Variants in ADAMTS20 observed in about 807,000 individuals in gnomAD.
ADAMTS20 encodes ADAM metallopeptidase with thrombospondin type 1 motif 20, also known as A disintegrin and metalloproteinase with thrombospondin motifs 20.
In ADAMTS20, 225 loss-of-function variants were observed where a neutral mutation model predicts 260.1. That is an observed-to-expected ratio of 0.87 (90% CI 0.78 to 0.97). The LOEUF (loss-of-function observed/expected upper bound fraction) is 0.97, where lower values mean the gene tolerates loss of function less well. ADAMTS20 is among the 50% of genes least tolerant of loss of function. The pLI is 0.00. For synonymous variants in ADAMTS20, 802 were observed against 769.5 expected, an observed-to-expected ratio of 1.04 and a Z score of -0.70; for missense variants, 2,400 against 2,337.7, an observed-to-expected ratio of 1.03 and a Z score of -0.55.
chr12:43,550,871 G>C, intron 2 of ADAMTS20, 38 bp downstream of exon 2: 1 of 1,492,636 alleles, frequency 6.7e-7, no homozygotes, highest in Non-Finnish European at 8.9e-7. Flanking sequence ...CCCTTGCCTG[G>C]ATCCCAAGAA....
intron 19 of ADAMTS20, among the ~76,000 whole-genome samples, chr12:43,433,348 C>A (rs1280302801): frequency 6.7e-6 from 1 of 148,158 alleles, no homozygotes; most frequent in Non-Finnish European, 1.5e-5. Flanking sequence ...GCCAAATTAT[C>A]CCAATTGTAG....
chr12:43,465,164 AAAC>A (rs540019701), intron 9 of ADAMTS20, among the ~76,000 whole-genome samples: 3 of 151,996 alleles, frequency 2.0e-5, no homozygotes, highest in Non-Finnish European at 4.4e-5. Context: ...TTCTAGTCCT[AAAC>A]AACAACAACA....
intron 11 of ADAMTS20, among the ~76,000 whole-genome samples, chr12:43,461,445 C>T (rs746059060): frequency 2.6e-5 from 4 of 151,998 alleles, no homozygotes; most frequent in Non-Finnish European, 4.4e-5. Flanking sequence ...CATGTTTATG[C>T]CCTAACTGGA....
In ADAMTS20 at chr12:43,428,752, A is replaced by G; in HGVS notation, c.3537T>C (p.Cys1179=). Residue 1179 remains cysteine (C), a synonymous_variant, in exon 25 of 39, where the codon TGT becomes TGC. Transcript: ENST00000389420. ...GRGTQARYVS[C]RDALDRIADE... is the part of the protein sequence containing the mutation. ...CTGCTATTCTATCAAGAGCATCACG[A>G]CAGCTTACATAGCGGGCTTGAGTAC... 1 of 1,611,326 alleles carries G rather than the reference A, an allele frequency of 6.2e-7. No homozygotes were observed. Among genetic ancestry groups the G allele is most frequent in the Non-Finnish European group, 8.5e-7 (1 of 1,178,156 alleles).
intron 2 of ADAMTS20, among the ~76,000 whole-genome samples, chr12:43,544,224 G>A (rs1434858908): frequency 6.6e-6 from 1 of 152,186 alleles, no homozygotes; most frequent in Admixed American, 6.5e-5. Context: ...GGTATCATCG[G>A]AAGAGATTTA....
chr12:43,356,342 A>G, intron 38 of ADAMTS20, 142 bp downstream of exon 38: 1 of 526,578 alleles, frequency 1.9e-6, no homozygotes, highest in Non-Finnish European at 3.4e-6. Context: ...GTTGTGCTCC[A>G]TTATATGTAA....
chr12:43,419,075 G>T (rs995066375), intron 28 of ADAMTS20, among the ~76,000 whole-genome samples: 3 of 151,904 alleles, frequency 2.0e-5, no homozygotes, highest in African/African-American at 7.2e-5. Flanking sequence ...AAATTAAATG[G>T]TTAGAACAGT....
At chr12:43,419,098 G>T (rs1941183455) in intron 28 of ADAMTS20, among the ~76,000 whole-genome samples, 1 of 152,030 alleles carries the variant, frequency 6.6e-6, no homozygotes, top group African/African-American at 2.4e-5. Flanking sequence ...TGAGAGAAAA[G>T]TTACCATTCA....
At chr12:43,364,102 G>A (rs973973289) in intron 37 of ADAMTS20, among the ~76,000 whole-genome samples, 4 of 152,116 alleles carry the variant, frequency 2.6e-5, no homozygotes, top group Non-Finnish European at 4.4e-5. Context: ...CACTGTGCAT[G>A]CCCAAGACTG....
intron 3 of ADAMTS20, among the ~76,000 whole-genome samples, chr12:43,505,931 A>G (rs1942834410): frequency 1.3e-5 from 2 of 152,238 alleles, no homozygotes; most frequent in African/African-American, 4.8e-5. Flanking sequence ...AACAAAATGT[A>G]GTATACACAT....
At chr12:43,411,398 G>A (rs980167463) in intron 28 of ADAMTS20, among the ~76,000 whole-genome samples, 3 of 151,850 alleles carry the variant, frequency 2.0e-5, no homozygotes, top group African/African-American at 4.8e-5. Flanking sequence ...ACAAAGTTTC[G>A]CTCTTGTTGC....
chr12:43,354,160 A>G lies in ADAMTS20; in HGVS notation c.*49T>C. On this transcript the variant is annotated 3_prime_UTR_variant, in exon 39 of 39. Coordinates refer to ENST00000389420, the MANE Select transcript of ADAMTS20 (RefSeq NM_025003.5). ...AGAAATGAGCACCAGTTATTTGAAT[A>G]TTCCAGAGAATATCCCCTCTTTAGG... 1 of 1,342,300 alleles carries G rather than the reference A, an allele frequency of 7.4e-7. No individual in the cohort carries two copies. The highest frequency in any genetic ancestry group is 2.5e-5 in the East Asian group (1 of 39,230). 83.1% of individuals were successfully genotyped at this position (1,342,300 alleles called of 1,614,324 possible).
chr12:43,358,676 A>G (rs1174833866), intron 37 of ADAMTS20, among the ~76,000 whole-genome samples: 1 of 151,490 alleles, frequency 6.6e-6, no homozygotes, highest in Non-Finnish European at 1.5e-5. Flanking sequence ...GTCTCTACTA[A>G]AAATACAAAA....
chr12:43,439,977 C>G lies in ADAMTS20; in HGVS notation c.2383G>C (p.Val795Leu). 6.3e-7 allele frequency: 1 copy of G among 1,597,124 alleles called. No homozygotes were observed. The stretch of plus-strand genomic sequence containing the variant: ...TTATTTGATCCACTGTATTCAATAA[C>G]AGTTCTTGTTCCTTGCACATTGATT... ...KEINVQGTRT[V>L]IEYSGSNNAV... is the part of the protein sequence containing the mutation. The change falls in exon 17 of 39, where the codon GTT (valine) becomes CTT (leucine). Residue 795 changes from valine to leucine, a missense_variant. By Grantham distance (32) the Val-to-Leu change is conservative. Coordinates refer to ENST00000389420, the MANE Select transcript of ADAMTS20 (RefSeq NM_025003.5).
In ADAMTS20 at chr12:43,376,528, A is replaced by G. The variant is rs144931766; in HGVS notation, c.5121T>C (p.Asn1707=). ...KPGAQKKCYA[N]DCKSFTTCKE... Reference sequence around the variant, plus strand: ...TTTTTGAAGTCTACTACTTACAGTCATTGGCATAACATTTCTTTTGAGCAC... The same window carrying G: ...TTTTTGAAGTCTACTACTTACAGTCGTTGGCATAACATTTCTTTTGAGCAC... The change falls in exon 33 of 39, where the codon AAT becomes AAC. Residue 1707 remains asparagine, a synonymous_variant. Coordinates refer to ENST00000389420, the MANE Select transcript of ADAMTS20 (RefSeq NM_025003.5). 1.0e-4 allele frequency: 165 copies of G among 1,611,548 alleles called. No homozygotes were observed. The highest frequency in any genetic ancestry group is 1.3e-4 in the Non-Finnish European group (150 of 1,179,332).
At chr12:43,398,012 A>G (rs1409400278) in intron 29 of ADAMTS20, among the ~76,000 whole-genome samples, 1 of 152,152 alleles carries the variant, frequency 6.6e-6, no homozygotes, top group African/African-American at 2.4e-5. Context: ...GGGAAACTCC[A>G]TTTCCTTCTA....
At chr12:43,523,044 C>CTA (rs777964212) in intron 3 of ADAMTS20, among the ~76,000 whole-genome samples, 2 of 152,180 alleles carry the variant, frequency 1.3e-5, no homozygotes, top group Admixed American at 6.5e-5. Context: ...TGTGCTAAAT[C>CTA]TGTAGGCCCA....
intron 28 of ADAMTS20, among the ~76,000 whole-genome samples, chr12:43,403,312 A>G (rs1026142129): frequency 2.0e-5 from 3 of 152,108 alleles, no homozygotes; most frequent in African/African-American, 7.2e-5. Context: ...TTAATTCTGG[A>G]AACTTAAATT....
chr12:43,430,516 G>A (rs754060395), intron 22 of ADAMTS20, 45 bp from the exon 23 acceptor site: 2 of 1,551,988 alleles, frequency 1.3e-6, no homozygotes, highest in Admixed American at 3.7e-5. Flanking sequence ...TTTCCCAAAA[G>A]TTACACAAAC....
Sources: allele counts gnomAD v4.1 joint callset (sites outside exome capture counted in the v4.1 genomes callset), GRCh38; gene constraint gnomAD v4.1.1; transcripts MANE v1.5; gene names NCBI Gene and HGNC (gene_info 2026-07-23, HGNC 2026-07-21).